NAV3: variants seen among roughly 807,000 people sequenced by gnomAD.
NAV3 encodes pore membrane and/or filament interacting like protein 1.
A neutral mutation model predicts 244.7 loss-of-function variants in NAV3; 87 were observed. That is an observed-to-expected ratio of 0.36 (90% confidence interval 0.30 to 0.42). NAV3 has a LOEUF of 0.42. NAV3 is among the 20% of genes least tolerant of loss of function. The probability of loss-of-function intolerance (pLI) is 1.00; values close to 1 mark genes in which losing one functional copy is unlikely to be tolerated. For missense variants in NAV3, 2,663 were observed against 2,893.3 expected (o/e 0.92, Z 1.83); for synonymous variants, 1,126 against 1,042.2 (o/e 1.08, Z -1.55).
chr12:77,774,026 A>T (rs1870230141), intron 2 of NAV3, among the ~76,000 whole-genome samples: 1 of 152,188 alleles, frequency 6.6e-6, no homozygotes, highest in East Asian at 1.9e-4. Context: ...CATAATCAGA[A>T]ATTACACAAG....
chr12:77,685,631 G>A (rs76152943), intron 2 of NAV3, among the ~76,000 whole-genome samples: 4,768 of 152,054 alleles, frequency 0.031, 160 homozygotes, highest in Middle Eastern at 0.048. Flanking sequence ...TGAATAGCCC[G>A]GAAGATTCTC....
chr12:78,188,210 G>A lies in NAV3; in HGVS notation c.5791-38G>A, dbSNP rs769496527. 71 of 1,410,084 alleles carry A rather than the reference G, an allele frequency of 5.0e-5. 1 individual carries two copies. Among genetic ancestry groups the A allele is most frequent in the South Asian group, 3.1e-4 (26 of 84,508 alleles). 87.3% of individuals were successfully genotyped at this position (1,410,084 alleles called of 1,614,324 possible). On this transcript the variant is annotated intron_variant, in intron 31 of 39. Transcript: ENST00000397909. ...AAATGTAGTAATAAAAAAGATACAC[G>A]GTTGGATTTTATCTTACTTTATTTT...
At chr12:77,646,425 A>G (rs138713533) in intron 2 of NAV3, among the ~76,000 whole-genome samples, 14 of 152,194 alleles carry the variant, frequency 9.2e-5, no homozygotes, top group Admixed American at 7.9e-4. Context: ...CTGTGACCCA[A>G]ACCTCCTGTC....
intron 2 of NAV3, among the ~76,000 whole-genome samples, chr12:77,793,673 A>C (rs1462926400): frequency 6.6e-6 from 1 of 152,198 alleles, no homozygotes; most frequent in African/African-American, 2.4e-5. Flanking sequence ...TTATGGCTGC[A>C]TAGTATTCCA....
Position 78,041,543 on chromosome 12 carries a change from C to G in NAV3, c.2024-8450C>G, listed in dbSNP as rs150139414. ...CCACAGGGTGAAAGTTTAAGGGAGA[C>G]AAATTTTTGCTTATCCCCCATAAAT... On this transcript the variant is annotated intron_variant, in intron 9 of 39. Coordinates refer to ENST00000397909, the MANE Select transcript of NAV3 (RefSeq NM_001024383.2). Among the ~76,000 whole-genome samples, 520 of 152,288 alleles carry G rather than the reference C, an allele frequency of 3.4e-3. 2 individuals carry two copies. Among genetic ancestry groups the G allele is most frequent in the Non-Finnish European group, 6.1e-3 (414 of 68,010 alleles).
chr12:78,064,422 TCTGTCTGC>T (rs1408427017), intron 12 of NAV3, among the ~76,000 whole-genome samples: 39 of 113,068 alleles, frequency 3.4e-4, no homozygotes, highest in Non-Finnish European at 3.8e-4. Flanking sequence ...TGTCTGTCTG[TCTGTCTGC>T]CTGCCTGCCT....
chr12:77,906,330 C>T (rs903690271), intron 1 of NAV3, among the ~76,000 whole-genome samples: 75 of 152,152 alleles, frequency 4.9e-4, no homozygotes, highest in African/African-American at 1.7e-3. Flanking sequence ...CAATTAATTT[C>T]CAATTAACAG....
At chr12:77,673,240 C>T (rs1387495745) in intron 2 of NAV3, among the ~76,000 whole-genome samples, 1 of 152,058 alleles carries the variant, frequency 6.6e-6, no homozygotes, top group Non-Finnish European at 1.5e-5. Context: ...CTTTACTATT[C>T]ACACATATGT....
intron 2 of NAV3, among the ~76,000 whole-genome samples, chr12:77,686,902 A>G (rs1433495742): frequency 3.3e-5 from 5 of 152,052 alleles, no homozygotes; most frequent in Admixed American, 2.0e-4. Context: ...GAGTTGTAGA[A>G]GAATTTTTTA....
chr12:77,907,935 T>A (rs1886167456), intron 1 of NAV3, among the ~76,000 whole-genome samples: 1 of 152,116 alleles, frequency 6.6e-6, no homozygotes, highest in African/African-American at 2.4e-5. Flanking sequence ...TCAACTTTTC[T>A]TTCTCAGAGT....
At chr12:77,919,046 G>A (rs529610671) in intron 1 of NAV3, among the ~76,000 whole-genome samples, 2 of 152,102 alleles carry the variant, frequency 1.3e-5, no homozygotes, top group East Asian at 1.9e-4. Context: ...GCAGAGAGCC[G>A]ATTTGAAGGG....
intron 23 of NAV3, among the ~76,000 whole-genome samples, chr12:78,168,298 T>C (rs1017439588): frequency 6.6e-6 from 1 of 151,814 alleles, no homozygotes; most frequent in Admixed American, 6.6e-5. Context: ...AGGCACAAAA[T>C]ACTTCAAACA....
intron 3 of NAV3, among the ~76,000 whole-genome samples, chr12:77,956,913 T>C (rs1034083863): frequency 4.6e-5 from 7 of 152,064 alleles, no homozygotes; most frequent in African/African-American, 9.7e-5. Context: ...CAGCTGATTT[T>C]TGTATTTTTA....
chr12:77,993,587 G>A (rs557067197), intron 5 of NAV3, among the ~76,000 whole-genome samples: 1 of 152,238 alleles, frequency 6.6e-6, no homozygotes, highest in South Asian at 2.1e-4. Flanking sequence ...CTATATGAGG[G>A]TATATTTCCC....
chr12:78,064,771 C>T (rs191940161), intron 12 of NAV3, among the ~76,000 whole-genome samples: 1 of 151,904 alleles, frequency 6.6e-6, no homozygotes, highest in Admixed American at 6.6e-5. Flanking sequence ...TAATCTAGAT[C>T]ATATATACGA....
At chr12:77,814,998 G>A (rs192393382) in intron 2 of NAV3, among the ~76,000 whole-genome samples, 1 of 152,280 alleles carries the variant, frequency 6.6e-6, no homozygotes, top group East Asian at 1.9e-4. Context: ...TTGGAAAACT[G>A]TCAGGAAATG....
chr12:78,006,034 G>A (rs1449707081), intron 7 of NAV3, among the ~76,000 whole-genome samples: 3 of 152,050 alleles, frequency 2.0e-5, no homozygotes, highest in African/African-American at 7.2e-5. Context: ...ATTTTTATAG[G>A]GCAAGGTGGA....
chr12:77,653,617 A>C (rs1328734543), intron 2 of NAV3, among the ~76,000 whole-genome samples: 2 of 152,216 alleles, frequency 1.3e-5, no homozygotes, highest in Non-Finnish European at 2.9e-5. Context: ...TGATTTGTGC[A>C]AAACAAAGTA....
intron 5 of NAV3, among the ~76,000 whole-genome samples, chr12:77,975,978 G>C (rs1234248915): frequency 6.6e-6 from 1 of 152,146 alleles, no homozygotes; most frequent in African/African-American, 2.4e-5. Flanking sequence ...GTGTTTTGAA[G>C]GTAGTGTCAG....
Sources: allele counts gnomAD v4.1 joint callset (sites outside exome capture counted in the v4.1 genomes callset), GRCh38; gene constraint gnomAD v4.1.1; transcripts MANE v1.5; gene names NCBI Gene and HGNC (gene_info 2026-07-23, HGNC 2026-07-21).